The following TNRC6A variants were observed in gnomAD, a reference collection of about 807,000 sequenced individuals.
The protein encoded by TNRC6A is trinucleotide repeat containing adaptor 6A, also known as trinucleotide repeat-containing gene 6A protein.
Under a neutral mutation model 221.2 loss-of-function variants are expected in TNRC6A, and 44 were observed. That is an observed-to-expected ratio of 0.20 (90% CI 0.16 to 0.26). The LOEUF is 0.26. Among genes scored for constraint, TNRC6A ranks in the 10% least tolerant of loss-of-function variants. The pLI, the probability that TNRC6A is intolerant of heterozygous loss-of-function variation, is 1.00. For synonymous variants in TNRC6A, 847 were observed against 838.5 expected (o/e 1.01, Z -0.18); for missense variants, 2,199 against 2,404.4 (o/e 0.91, Z 1.79).
At chr16:24,757,133 A>G (rs2057268640) in intron 3 of TNRC6A, among the ~76,000 whole-genome samples, 1 of 150,232 alleles carries the variant, frequency 6.7e-6, no homozygotes, top group South Asian at 2.1e-4. Flanking sequence ...TTCCATCAAA[A>G]TTTTTTTTTT....
At chr16:24,706,515 T>C (rs956320458) in intron 2 of TNRC6A, among the ~76,000 whole-genome samples, 7 of 151,824 alleles carry the variant, frequency 4.6e-5, no homozygotes, top group Non-Finnish European at 2.9e-5. Flanking sequence ...ATCGAGACTA[T>C]CCTGTCTAAC....
chr16:24,757,882 A>G (rs1231800664), intron 3 of TNRC6A, among the ~76,000 whole-genome samples: 2 of 152,252 alleles, frequency 1.3e-5, no homozygotes, highest in Admixed American at 6.5e-5. Context: ...TAATTTGGCT[A>G]AAGTGATTAT....
chr16:24,632,779 C>T (rs1387972863), intron 1 of TNRC6A, among the ~76,000 whole-genome samples: 5 of 152,012 alleles, frequency 3.3e-5, no homozygotes, highest in African/African-American at 2.4e-5. Context: ...GAGGCCGAGG[C>T]GGGCAGATCA....
intron 5 of TNRC6A, among the ~76,000 whole-genome samples, chr16:24,784,625 T>G (rs929727137): frequency 1.3e-5 from 2 of 152,184 alleles, no homozygotes; most frequent in African/African-American, 4.8e-5. Context: ...CCAAACGAAT[T>G]TTTTTTCCTA....
chr16:24,617,460 G>A (rs909053398), intron 1 of TNRC6A, among the ~76,000 whole-genome samples: 10 of 152,130 alleles, frequency 6.6e-5, no homozygotes, highest in African/African-American at 2.4e-4. Flanking sequence ...GTGTGATTGT[G>A]TGATTAAGAA....
chr16:24,818,675 C>G lies in TNRC6A; in HGVS notation c.5055C>G (p.Leu1685=), dbSNP rs748229749. The change falls in exon 21 of 25, where the codon CTC becomes CTG. Residue 1685 remains leucine, a synonymous_variant. Coordinates refer to ENST00000395799, the MANE Select transcript of TNRC6A (RefSeq NM_014494.4). ...GTGCCTCCAACTACAACGTTCCCCT[C>G]AGCAGTACAGCACAAAGCACTTCAG... ...SIRASNYNVP[L]SSTAQSTSAR... The G allele has an allele frequency of 6.2e-7, 1 of 1,614,154 alleles. No individual in the cohort carries two copies.
chr16:24,776,482 C>G (rs1439449742), intron 4 of TNRC6A: 42 of 985,202 alleles, frequency 4.3e-5, no homozygotes, highest in Non-Finnish European at 4.9e-5. Context: ...GTGTTGTCTT[C>G]CAAAGATGAA....
intron 2 of TNRC6A, among the ~76,000 whole-genome samples, chr16:24,655,281 G>C (rs2054886833): frequency 6.6e-6 from 1 of 152,020 alleles, no homozygotes; most frequent in Admixed American, 6.6e-5. Flanking sequence ...AACACTGATA[G>C]AAAAAAAGAT....
chr16:24,672,510 C>T (rs1055352288), intron 2 of TNRC6A, among the ~76,000 whole-genome samples: 2 of 152,020 alleles, frequency 1.3e-5, no homozygotes, highest in African/African-American at 2.4e-5. Context: ...GGTGTGATCA[C>T]GGCTCACTGC....
At chr16:24,791,996 GTTGT>G (rs1476715610) in intron 6 of TNRC6A, among the ~76,000 whole-genome samples, 179 bp downstream of exon 6, 3 of 152,150 alleles carry the variant, frequency 2.0e-5, no homozygotes, top group African/African-American at 7.2e-5. Context: ...TTTTGGCAGT[GTTGT>G]TTGAGTCCTG....
chr16:24,813,309 A>G (rs1227763682), intron 18 of TNRC6A, among the ~76,000 whole-genome samples: 4 of 152,118 alleles, frequency 2.6e-5, no homozygotes, highest in Admixed American at 6.5e-5. Context: ...TGAACATTTT[A>G]CCCGATAAGT....
chr16:24,706,579 A>C (rs2056096592), intron 2 of TNRC6A, among the ~76,000 whole-genome samples: 1 of 149,982 alleles, frequency 6.7e-6, no homozygotes, highest in Non-Finnish European at 1.5e-5. Flanking sequence ...AGCCGGGCGT[A>C]GTGGCGGGCG....
intron 20 of TNRC6A, among the ~76,000 whole-genome samples, chr16:24,817,708 A>T (rs1443651929): frequency 1.3e-5 from 2 of 152,172 alleles, no homozygotes; most frequent in Non-Finnish European, 2.9e-5. Context: ...CTATACCTTT[A>T]AACAGTTTAT....
intron 23 of TNRC6A, 111 bp from the exon 24 acceptor site, chr16:24,822,763 A>G: frequency 1.4e-6 from 2 of 1,432,830 alleles, no homozygotes; most frequent in Non-Finnish European, 9.5e-7. Flanking sequence ...GAGTGGTGCC[A>G]GGAGCACAGA....
intron 2 of TNRC6A, among the ~76,000 whole-genome samples, chr16:24,707,837 C>T (rs1289725434): frequency 2.6e-5 from 4 of 152,048 alleles, no homozygotes; most frequent in African/African-American, 4.8e-5. Context: ...GGTGGGTAGA[C>T]GTCTTGAGGC....
chr16:24,621,973 C>T (rs1234229038), intron 1 of TNRC6A, among the ~76,000 whole-genome samples: 2 of 152,146 alleles, frequency 1.3e-5, no homozygotes, highest in East Asian at 3.8e-4. Flanking sequence ...TTTTATTGAA[C>T]AAGGGATTTA....
chr16:24,798,086 C>T (rs192025189), intron 11 of TNRC6A, 120 bp downstream of exon 11: 12 of 727,338 alleles, frequency 1.6e-5, no homozygotes, highest in Non-Finnish European at 2.4e-5. Flanking sequence ...CTCCAATAGA[C>T]GTACACATGC....
At chr16:24,805,854 G>A (rs925206991) in intron 15 of TNRC6A, 121 bp downstream of exon 15, 39 of 1,280,826 alleles carry the variant, frequency 3.0e-5, no homozygotes, top group Non-Finnish European at 4.2e-5. Context: ...AGTCCTCATG[G>A]AGCTTACAGT....
chr16:24,644,232 G>A (rs1365561999), intron 2 of TNRC6A, among the ~76,000 whole-genome samples: 3 of 150,840 alleles, frequency 2.0e-5, no homozygotes, highest in Admixed American at 6.6e-5. Flanking sequence ...GACTACAGGC[G>A]CCCGCCACCA....
Sources: allele counts gnomAD v4.1 joint callset (sites outside exome capture counted in the v4.1 genomes callset), GRCh38; gene constraint gnomAD v4.1.1; transcripts MANE v1.5; gene names NCBI Gene and HGNC (gene_info 2026-07-23, HGNC 2026-07-21).